FRMD1: variants seen among roughly 807,000 people sequenced by gnomAD.
FRMD1 encodes the protein FERM domain-containing protein 1.
A neutral mutation model predicts 54.9 loss-of-function variants in FRMD1; 51 were observed. The observed-to-expected ratio is 0.93, with a 90% CI of 0.74 to 1.17. The LOEUF is 1.17. Ranked by LOEUF, FRMD1 falls within the 50% of genes most tolerant of loss-of-function variation. The pLI is 0.00. For synonymous variants in FRMD1, 324 were observed against 306.4 expected (o/e 1.06, Z -0.60); for missense variants, 729 against 743.0 (o/e 0.98, Z 0.22).
chr6:168,090,906 G>GGT (rs920744605), intron 1 of FRMD1, among the ~76,000 whole-genome samples: 3 of 152,170 alleles, frequency 2.0e-5, no homozygotes, highest in African/African-American at 4.8e-5. Context: ...CCAAAATCCA[G>GGT]GTCTCCTGGT....
chr6:168,080,453 AC>A (rs35178740), upstream of FRMD1, among the ~76,000 whole-genome samples: 130,333 of 151,636 alleles, frequency 0.86, 56,102 homozygotes, highest in Middle Eastern at 0.89. Flanking sequence ...TGGCAAAAAA[AC>A]CACAAAAAAA....
At chr6:168,075,405 C>T (rs1562426661) in intron 1 of FRMD1, 70 bp from the exon 2 acceptor site, 5 of 1,276,264 alleles carry the variant, frequency 3.9e-6, no homozygotes, top group Non-Finnish European at 5.6e-6. Context: ...CCTCAGCAAA[C>T]GAGGCCCAGC....
At chr6:168,079,222 G>A (rs1800758812), upstream of FRMD1, 1 of 1,419,750 alleles carries the variant, frequency 7.0e-7, no homozygotes, top group Non-Finnish European at 9.2e-7. Flanking sequence ...TGAGAGGGAA[G>A]CCTGGGCTGG....
At chr6:168,080,795 G>A (rs1267676167), upstream of FRMD1, among the ~76,000 whole-genome samples, 4 of 152,070 alleles carry the variant, frequency 2.6e-5, no homozygotes, top group African/African-American at 7.2e-5. Context: ...GGTTCCCCAC[G>A]TGTGTGCAGG....
chr6:168,069,747 C>T (rs1800207311), intron 2 of FRMD1, among the ~76,000 whole-genome samples: 1 of 152,198 alleles, frequency 6.6e-6, no homozygotes, highest in Non-Finnish European at 1.5e-5. Flanking sequence ...CAACACCGAT[C>T]TAGAAGATGA....
In FRMD1 at chr6:168,061,970, CA is replaced by C; in HGVS notation, c.881del (p.Leu294ArgfsTer180). The C allele has an allele frequency of 6.3e-7, 1 of 1,595,634 alleles. No individual in the cohort carries two copies. Among genetic ancestry groups the C allele is most frequent in the Non-Finnish European group, 8.5e-7 (1 of 1,171,708 alleles). ...RGVHIYQGKK[L>X]EIQLDGLPAA... ...CGGGCAGCCCATCCAGCTGGATCTC[CA>C]GCTTCTTTCCCTGAGCAAACAGGAG... On this transcript the variant is annotated frameshift_variant, in exon 8 of 11. Coordinates refer to ENST00000283309, the MANE Select transcript of FRMD1 (RefSeq NM_024919.6). LOFTEE classifies it high-confidence loss of function.
At chr6:168,069,568 C>T (rs539974715) in intron 2 of FRMD1, among the ~76,000 whole-genome samples, 6 of 152,170 alleles carry the variant, frequency 3.9e-5, no homozygotes, top group African/African-American at 9.7e-5. Flanking sequence ...ACCTTTGCCT[C>T]GGTAAGGTCA....
chr6:168,068,786 A>C (rs182101224), intron 2 of FRMD1, among the ~76,000 whole-genome samples: 1 of 152,326 alleles, frequency 6.6e-6, no homozygotes, highest in African/African-American at 2.4e-5. Flanking sequence ...TTACATATGA[A>C]GATACTCCAT....
Position 168,059,655 on chromosome 6 carries a change from C to T in FRMD1, c.1343-467G>A, listed in dbSNP as rs1357917269. Reference sequence around the variant, plus strand: ...CTGGTCCCACCTGATCTCATCACATCCACCGTCAGGGCCGTGGGGACACTC... The same window carrying T: ...CTGGTCCCACCTGATCTCATCACATTCACCGTCAGGGCCGTGGGGACACTC... On this transcript the variant is annotated intron_variant, in intron 9 of 10. Coordinates refer to ENST00000283309, the MANE Select transcript of FRMD1 (RefSeq NM_024919.6). The surrounding 1 kb of genome is among the most constrained non-coding windows in gnomAD (Gnocchi z 4.4). Among the ~76,000 whole-genome samples, 1 of 152,162 alleles carries T rather than the reference C, an allele frequency of 6.6e-6. No individual in the cohort carries two copies. The highest frequency in any genetic ancestry group is 1.9e-4 in the East Asian group (1 of 5,166).
intron 1 of FRMD1, among the ~76,000 whole-genome samples, chr6:168,091,204 G>A (rs1034736810): frequency 6.6e-5 from 10 of 152,324 alleles, no homozygotes; most frequent in South Asian, 2.1e-4. Flanking sequence ...ACTGCCAGCC[G>A]ATAATAAAAG....
intron 2 of FRMD1, among the ~76,000 whole-genome samples, chr6:168,072,754 G>C (rs181630726): frequency 1.4e-5 from 2 of 147,204 alleles, no homozygotes; most frequent in Admixed American, 1.4e-4. Context: ...AGAAATAAAA[G>C]ATGCCAAGAA....
chr6:168,092,426 G>A (rs929438085), intron 1 of FRMD1, among the ~76,000 whole-genome samples: 1 of 149,662 alleles, frequency 6.7e-6, no homozygotes, highest in African/African-American at 2.6e-5. Flanking sequence ...GAGGTGATGT[G>A]GTCATGGGGG....
At position 168,076,004 on chromosome 6, in the gene FRMD1, G is replaced by A. The variant is rs975890387; in HGVS notation, c.214-669C>T. ...CGTCTCGCATGTGACACTACTTCAC[G>A]CCTGTTCAGCCCCGGCATGGATGGG... On this transcript the variant is annotated intron_variant, in intron 1 of 10. Transcript: ENST00000283309. 4.5e-6 allele frequency: 4 copies of A among 892,938 alleles called. No individual in the cohort carries two copies. In the African/African-American group the frequency reaches 5.0e-5, roughly 11 times the overall value. 55.3% of individuals were successfully genotyped at this position (892,938 alleles called of 1,614,324 possible). A position where few individuals can be genotyped will look rare whatever the true frequency, so the allele number is the denominator to read the frequency against.
At chr6:168,057,435 C>T (rs1452651344) in intron 10 of FRMD1, 96 bp from the exon 11 acceptor site, 35 of 1,534,822 alleles carry the variant, frequency 2.3e-5, no homozygotes, top group Non-Finnish European at 3.1e-5. Flanking sequence ...GAGCCACACT[C>T]CCTGCCAATG....
At chr6:168,086,627 C>T (rs1383445879) in intron 1 of FRMD1, among the ~76,000 whole-genome samples, 1 of 152,074 alleles carries the variant, frequency 6.6e-6, no homozygotes, top group Non-Finnish European at 1.5e-5. Flanking sequence ...TGTGGACACC[C>T]ATGTCCCCAG....
intron 10 of FRMD1, among the ~76,000 whole-genome samples, chr6:168,058,506 C>T (rs1799537149): frequency 6.9e-6 from 1 of 144,482 alleles, no homozygotes; most frequent in Non-Finnish European, 1.5e-5. Context: ...CAGGGGGATT[C>T]TGAACAGGGC....
chr6:168,079,180 G>A lies in FRMD1; in HGVS notation c.-86C>T, dbSNP rs995462436. 1.3e-5 allele frequency: 18 copies of A among 1,434,438 alleles called. No individual in the cohort carries two copies. Among genetic ancestry groups the A allele is most frequent in the African/African-American group, 8.6e-5 (6 of 69,998 alleles). 88.9% of individuals were successfully genotyped at this position (1,434,438 alleles called of 1,614,324 possible). On this transcript the variant is annotated 5_prime_UTR_variant, in exon 1 of 11. Coordinates refer to ENST00000283309, the MANE Select transcript of FRMD1 (RefSeq NM_024919.6). ...ATCACAGCTGTGCTTTCCGGGACCCGCCCTTGCCGAGCTTCTCACTGGGAA... is the reference window on the plus strand; with the variant it reads ...ATCACAGCTGTGCTTTCCGGGACCCACCCTTGCCGAGCTTCTCACTGGGAA...
In FRMD1 at chr6:168,053,287, G is replaced by C. The variant is rs1421893167; in HGVS notation, c.*3810C>G. 2 of 152,254 alleles carry C rather than the reference G, an allele frequency of 1.3e-5. No homozygotes were observed. Among genetic ancestry groups the C allele is most frequent in the South Asian group, 2.1e-4 (1 of 4,836 alleles). The allele number at this position is 152,254 out of a possible 1,614,324, so 9.4% of individuals were successfully genotyped here. A position where few individuals can be genotyped will look rare whatever the true frequency, so the allele number is the denominator to read the frequency against. On this transcript the variant is annotated 3_prime_UTR_variant, in exon 11 of 11. Coordinates refer to ENST00000283309, the MANE Select transcript of FRMD1 (RefSeq NM_024919.6). The stretch of plus-strand genomic sequence containing the variant: ...TCCCCATCACAGCTCGCCGCCGTGA[G>C]AACGGTCATGGGCCCGGCTGCAGGA...
upstream of FRMD1, among the ~76,000 whole-genome samples, chr6:168,081,109 G>A (rs1303688962): frequency 2.0e-5 from 3 of 152,262 alleles, no homozygotes; most frequent in East Asian, 1.9e-4. Flanking sequence ...AGTGAAGGCC[G>A]CCGTCCATCT....
Sources: gnomAD v4.1 joint callset for allele counts (sites outside exome capture counted in the v4.1 genomes callset) on GRCh38, gnomAD v4.1.1 for gene constraint, Gnocchi (gnomAD v3.1) non-coding constraint, MANE v1.5 for transcripts, NCBI Gene and HGNC (gene_info 2026-07-23, HGNC 2026-07-21) for gene names.